GABPB2: variants seen among roughly 807,000 people sequenced by gnomAD.
The protein encoded by GABPB2 is GA-binding protein subunit beta-2.
A neutral mutation model predicts 39.1 loss-of-function variants in GABPB2; 23 were observed. The ratio of observed to expected loss-of-function variants is 0.59; its 90% confidence interval spans 0.42 to 0.83. GABPB2 has a LOEUF of 0.83. Ranked by LOEUF, GABPB2 falls within the 40% of genes least tolerant of loss-of-function variation. GABPB2 has a pLI of 0.00. For synonymous variants in GABPB2, 184 were observed against 199.3 expected (o/e 0.92, Z 0.65); for missense variants, 467 against 541.1 (o/e 0.86, Z 1.36).
intron 3 of GABPB2, among the ~76,000 whole-genome samples, chr1:151,092,632 C>A (rs1678814091): frequency 6.6e-6 from 1 of 150,378 alleles, no homozygotes; most frequent in Non-Finnish European, 1.5e-5. Flanking sequence ...CTCTGTCACC[C>A]AGGCTAGAGT....
At chr1:151,117,898 C>T in intron 8 of GABPB2, 59 bp from the exon 9 acceptor site, 1 of 1,517,022 alleles carries the variant, frequency 6.6e-7, no homozygotes, top group Admixed American at 1.8e-5. Context: ...TTTTTGTCTA[C>T]TGTCTGGATA....
chr1:151,095,286 A>T (rs1679020914), intron 4 of GABPB2, among the ~76,000 whole-genome samples: 1 of 152,192 alleles, frequency 6.6e-6, no homozygotes. Context: ...GAGAATGGGC[A>T]AAGGAAGTAG....
At chr1:151,116,951 TAG>T (rs1680925380) in intron 7 of GABPB2, among the ~76,000 whole-genome samples, 1 of 152,120 alleles carries the variant, frequency 6.6e-6, no homozygotes, top group African/African-American at 2.4e-5. Context: ...ATAGGTGACC[TAG>T]AGTCAGACAC....
At chr1:151,117,840 T>C in intron 8 of GABPB2, 117 bp from the exon 9 acceptor site, 2 of 1,020,174 alleles carry the variant, frequency 2.0e-6, no homozygotes, top group Non-Finnish European at 2.9e-6. Context: ...TACCTCTGCC[T>C]CCCAAAGTGC....
At position 151,124,152 on chromosome 1, in the gene GABPB2, TTTC is replaced by T. The variant is rs1464452865; in HGVS notation, c.*5899_*5901del. ...ATATCAGTTTGAGAAATGATTTTTTTTTCTTTTTTCTTTTCTTTTTTTTTTTTT... is the reference window on the plus strand; with the variant it reads ...ATATCAGTTTGAGAAATGATTTTTTTTTTTTTCTTTTCTTTTTTTTTTTTT... On this transcript the variant is annotated 3_prime_UTR_variant, in exon 9 of 9. Coordinates refer to ENST00000368918, the MANE Select transcript of GABPB2 (RefSeq NM_144618.3). The T allele has an allele frequency of 1.3e-5, 2 of 149,678 alleles. No homozygotes were observed. Among genetic ancestry groups the T allele is most frequent in the African/African-American group, 4.9e-5 (2 of 40,774 alleles). The allele number at this position is 149,678 out of a possible 1,614,324, so 9.3% of individuals were successfully genotyped here.
chr1:151,095,614 T>C (rs1679039792), intron 4 of GABPB2, among the ~76,000 whole-genome samples: 1 of 152,218 alleles, frequency 6.6e-6, no homozygotes, highest in African/African-American at 2.4e-5. Flanking sequence ...TCCTCTGTGC[T>C]CCCATAGCAC....
intron 1 of GABPB2, among the ~76,000 whole-genome samples, chr1:151,081,790 A>G (rs1230172493): frequency 1.3e-5 from 2 of 152,070 alleles, no homozygotes; most frequent in African/African-American, 2.4e-5. Context: ...GTGCACCACC[A>G]TGCCCAGCTA....
At chr1:151,080,551 A>AT in intron 1 of GABPB2, among the ~76,000 whole-genome samples, 1 of 150,470 alleles carries the variant, frequency 6.6e-6, no homozygotes, top group East Asian at 2.0e-4. Flanking sequence ...AAATAAATAA[A>AT]ATAAAAAGGG....
chr1:151,092,100 ATTTTTTT>A (rs34298127), intron 3 of GABPB2, among the ~76,000 whole-genome samples: 1 of 58,108 alleles, frequency 1.7e-5, no homozygotes, highest in African/African-American at 6.5e-5. Context: ...CAGTTTTCTA[ATTTTTTT>A]TTTTTTTTTT....
intron 8 of GABPB2, 58 bp downstream of exon 8, chr1:151,117,574 C>A: frequency 1.3e-6 from 2 of 1,541,126 alleles, no homozygotes; most frequent in Admixed American, 1.9e-5. Context: ...AGGCCTGAAC[C>A]CTTCTTCATC....
intron 7 of GABPB2, among the ~76,000 whole-genome samples, chr1:151,108,597 G>A (rs587766577): frequency 1.3e-5 from 2 of 151,952 alleles, no homozygotes; most frequent in Admixed American, 1.3e-4. Flanking sequence ...GACCTCCTGG[G>A]CTCAAGCTAT....
At chr1:151,077,062 G>A (rs1197785470) in intron 1 of GABPB2, among the ~76,000 whole-genome samples, 1 of 152,058 alleles carries the variant, frequency 6.6e-6, no homozygotes, top group Admixed American at 6.6e-5. Flanking sequence ...CAAAGTGCTG[G>A]GATTACACTT....
intron 2 of GABPB2, 132 bp downstream of exon 2, chr1:151,088,429 T>C: frequency 7.5e-7 from 1 of 1,330,230 alleles, no homozygotes; most frequent in Non-Finnish European, 1.0e-6. Flanking sequence ...AGTTTTATTT[T>C]CTTTGTCTCA....
intron 5 of GABPB2, among the ~76,000 whole-genome samples, chr1:151,102,267 G>A (rs587596383): frequency 1.3e-5 from 2 of 152,278 alleles, no homozygotes; most frequent in Non-Finnish European, 2.9e-5. Context: ...GTTGCAATGA[G>A]CTGAGACCGT....
chr1:151,097,721 A>G, intron 4 of GABPB2, 131 bp from the exon 5 acceptor site: 3 of 778,060 alleles, frequency 3.9e-6, no homozygotes, highest in Admixed American at 2.8e-5. Context: ...GGAGGTTGCA[A>G]TGAGCCAAGA....
intron 3 of GABPB2, among the ~76,000 whole-genome samples, chr1:151,091,111 G>A (rs1446008502): frequency 6.6e-6 from 1 of 151,878 alleles, no homozygotes; most frequent in East Asian, 1.9e-4. Flanking sequence ...TTTTGAGAAG[G>A]AGTCTTGCTC....
chr1:151,093,168 G>GA (rs769277749), intron 3 of GABPB2, 24 bp from the exon 4 acceptor site: 4 of 1,531,836 alleles, frequency 2.6e-6, no homozygotes, highest in South Asian at 1.3e-5. Flanking sequence ...GCTGTTTGTT[G>GA]AAAAAAATGC....
intron 2 of GABPB2, 93 bp downstream of exon 2, chr1:151,088,390 C>G (rs1243584407): frequency 7.9e-7 from 1 of 1,267,134 alleles, no homozygotes; most frequent in East Asian, 2.5e-5. Context: ...TTTTTCTTCA[C>G]TCCCTTTCTA....
intron 7 of GABPB2, among the ~76,000 whole-genome samples, chr1:151,115,446 G>A (rs1479142578): frequency 6.8e-6 from 1 of 147,778 alleles, no homozygotes; most frequent in Non-Finnish European, 1.5e-5. Context: ...TGTCACCCAA[G>A]CTGGAGTGCA....
Sources: allele counts gnomAD v4.1 joint callset (sites outside exome capture counted in the v4.1 genomes callset), GRCh38; gene constraint gnomAD v4.1.1; transcripts MANE v1.5; gene names NCBI Gene and HGNC (gene_info 2026-07-23, HGNC 2026-07-21).